Variants in ZSWIM8 observed in about 807,000 individuals in gnomAD.
ZSWIM8 encodes the protein zinc finger SWIM-type containing 8.
In ZSWIM8, 27 loss-of-function variants were observed where a neutral mutation model predicts 173.7. The ratio of observed to expected loss-of-function variants is 0.16; its 90% CI spans 0.11 to 0.21. The LOEUF (loss-of-function observed/expected upper bound fraction) is 0.21. ZSWIM8 is among the 10% of genes least tolerant of loss of function. The pLI is 1.00. For missense variants in ZSWIM8, 1,627 were observed against 2,428.8 expected (o/e 0.67, Z 6.94); for synonymous variants, 958 against 962.0 (o/e 1.00, Z 0.08).
rs757495616 is a variant in ZSWIM8, at chr10:73,789,234, T to A, written c.457+44T>A. ...CATGTGGCACATCCTGCTCCTCCCA[T>A]CCCCTGGCTTATGAAGTAAGAACAC... On this transcript the variant is annotated intron_variant, in intron 3 of 25. Transcript: ENST00000604729. This position sits in a 1 kb window ranked among gnomAD's most constrained non-coding sequence, Gnocchi z 6.8. 1 of 1,610,240 alleles carries A rather than the reference T, an allele frequency of 6.2e-7. No individual in the cohort carries two copies. Among genetic ancestry groups the A allele is most frequent in the Non-Finnish European group, 8.5e-7 (1 of 1,176,662 alleles).
At chr10:73,799,954 C>T (rs1426351435) in intron 21 of ZSWIM8, 57 bp from the exon 22 acceptor site, 45 of 1,564,716 alleles carry the variant, frequency 2.9e-5, no homozygotes, top group Admixed American at 1.9e-4. Context: ...GGGTGAAGCA[C>T]GACAGCAACA....
intron 10 of ZSWIM8, among the ~76,000 whole-genome samples, chr10:73,793,223 T>G (rs1443130316): frequency 1.3e-5 from 2 of 152,200 alleles, no homozygotes; most frequent in African/African-American, 2.4e-5. Context: ...TGCCATGCTC[T>G]CTCTCTTGCC....
In ZSWIM8 at chr10:73,791,255, G is replaced by A. The variant is rs1283040822; in HGVS notation, c.1144-69G>A. ...GCCTCATCCTCCTCTTGCTGAAATG[G>A]ACTCTGGGAGGGCTACTCTGCCTTT... On this transcript the variant is annotated intron_variant, in intron 8 of 25. Coordinates refer to ENST00000604729, the MANE Select transcript of ZSWIM8 (RefSeq NM_001367799.1). This position sits in a 1 kb window ranked among gnomAD's most constrained non-coding sequence, Gnocchi z 6.0. 1.3e-6 allele frequency: 2 copies of A among 1,571,844 alleles called. No homozygotes were observed. Among genetic ancestry groups the A allele is most frequent in the African/African-American group, 1.3e-5 (1 of 74,180 alleles).
intron 20 of ZSWIM8, 130 bp downstream of exon 20, chr10:73,798,583 G>A: frequency 3.6e-6 from 3 of 836,570 alleles, no homozygotes; most frequent in Non-Finnish European, 5.5e-6. Flanking sequence ...GTCCTCTCAT[G>A]GCAACATTTT....
In ZSWIM8 at chr10:73,789,583, C is replaced by A. The variant is rs770421233; in HGVS notation, c.630+44C>A. 1 of 1,585,910 alleles carries A rather than the reference C, an allele frequency of 6.3e-7. No individual in the cohort carries two copies. The highest frequency in any genetic ancestry group is 8.6e-7 in the Non-Finnish European group (1 of 1,164,438). Reference sequence around the variant, plus strand: ...ATCCCGGCCCTATCCTACACTCCATCCCCCCCTTCTCTGCTGCATGCCTGG... The same window carrying A: ...ATCCCGGCCCTATCCTACACTCCATACCCCCCTTCTCTGCTGCATGCCTGG... On this transcript the variant is annotated intron_variant, in intron 4 of 25. Coordinates refer to ENST00000604729, the MANE Select transcript of ZSWIM8 (RefSeq NM_001367799.1). The surrounding 1 kb of genome is among the most constrained non-coding windows in gnomAD (Gnocchi z 6.8).
intron 1 of ZSWIM8, 44 bp from the exon 2 acceptor site, chr10:73,788,626 A>T: frequency 1.0e-5 from 16 of 1,604,690 alleles, no homozygotes; most frequent in Non-Finnish European, 1.4e-5. Context: ...GGCCCTTTTC[A>T]TTTCCTATTC....
At chr10:73,799,551 T>A in intron 21 of ZSWIM8, 61 bp downstream of exon 21, 1 of 1,561,550 alleles carries the variant, frequency 6.4e-7, no homozygotes, top group South Asian at 1.2e-5. Flanking sequence ...TCATAGGGGG[T>A]TGGAGTGGGT....
rs757744420 is a variant in ZSWIM8, at chr10:73,796,823, C to T, written c.3083C>T (p.Thr1028Met). 2 of 1,614,032 alleles carry T rather than the reference C, an allele frequency of 1.2e-6. No individual in the cohort carries two copies. Among genetic ancestry groups the T allele is most frequent in the Non-Finnish European group, 1.7e-6 (2 of 1,179,904 alleles). Residue 1028 changes from threonine (T) to methionine (M), a missense_variant, in exon 16 of 26, where the codon ACG becomes ATG. Thr to Met is a moderately conservative substitution (Grantham distance 81). Transcript: ENST00000604729. ...DRESQTHKPQ[T>M]LSSFYSSSRP... ...GAGAGCCAGACACATAAGCCACAGACGCTGAGTTCTTTCTACTCATCTAGC... is the reference window on the plus strand; with the variant it reads ...GAGAGCCAGACACATAAGCCACAGATGCTGAGTTCTTTCTACTCATCTAGC...
intron 1 of ZSWIM8, 98 bp from the exon 2 acceptor site, chr10:73,788,572 A>G: frequency 1.4e-6 from 2 of 1,421,564 alleles, no homozygotes; most frequent in Admixed American, 2.3e-5. Flanking sequence ...CATAGTGAAG[A>G]TGAGGCCCAG....
In ZSWIM8 at chr10:73,792,971, G is replaced by A. The variant is rs538906081; in HGVS notation, c.2313+119G>A. 16 of 1,237,496 alleles carry A rather than the reference G, an allele frequency of 1.3e-5. No individual in the cohort carries two copies. Among genetic ancestry groups the A allele is most frequent in the East Asian group, 2.4e-5 (1 of 41,784 alleles). 76.7% of individuals were successfully genotyped at this position (1,237,496 alleles called of 1,614,324 possible). Reference sequence around the variant, plus strand: ...GGATTGTGAGAACCCTGTTGCAGGCGCCGAACTGGTCTCCCTGCTTTCAGT... The same window carrying A: ...GGATTGTGAGAACCCTGTTGCAGGCACCGAACTGGTCTCCCTGCTTTCAGT... On this transcript the variant is annotated intron_variant, in intron 10 of 25. Transcript: ENST00000604729. This position sits in a 1 kb window ranked among gnomAD's most constrained non-coding sequence, Gnocchi z 4.3.
In ZSWIM8 at chr10:73,789,173, A is replaced by C; in HGVS notation, c.440A>C (p.Lys147Thr). The C allele has an allele frequency of 6.2e-7, 1 of 1,614,032 alleles. No individual in the cohort carries two copies. The highest frequency in any genetic ancestry group is 8.5e-7 in the Non-Finnish European group (1 of 1,179,874). ...GDQLFRMRAV[K>T]DPLQIGFHLS... ...CAGCTCTTCCGCATGCGGGCTGTGAAGGACCCATTGCAGATAGGTGAGTGG... is the reference window on the plus strand; with the variant it reads ...CAGCTCTTCCGCATGCGGGCTGTGACGGACCCATTGCAGATAGGTGAGTGG... The change falls in exon 3 of 26, where the codon AAG becomes ACG. Residue 147 changes from lysine (K) to threonine (T), a missense_variant. By Grantham distance (78) the Lys-to-Thr change is moderately conservative. This residue lies in a region of ZSWIM8 where 29 missense variants were observed against 108.2 expected (regional missense o/e 0.27). Coordinates refer to ENST00000604729, the MANE Select transcript of ZSWIM8 (RefSeq NM_001367799.1). This position sits in a 1 kb window ranked among gnomAD's most constrained non-coding sequence, Gnocchi z 6.8.
intron 1 of ZSWIM8, chr10:73,786,355 C>G: frequency 5.4e-6 from 2 of 370,628 alleles, no homozygotes; most frequent in Non-Finnish European, 4.8e-6. Flanking sequence ...TGCGCGCGCG[C>G]GCGTGCGCGC....
In ZSWIM8 at chr10:73,789,247, GA is replaced by G. The variant is rs1288753454; in HGVS notation, c.457+59del. 6.2e-7 allele frequency: 1 copy of G among 1,610,820 alleles called. No homozygotes were observed. Among genetic ancestry groups the G allele is most frequent in the Non-Finnish European group, 8.5e-7 (1 of 1,177,424 alleles). Reference sequence around the variant, plus strand: ...CTGCTCCTCCCATCCCCTGGCTTATGAAGTAAGAACACACCGCAAGAAGCTG... The same window carrying G: ...CTGCTCCTCCCATCCCCTGGCTTATGAGTAAGAACACACCGCAAGAAGCTG... On this transcript the variant is annotated intron_variant, in intron 3 of 25. Transcript: ENST00000604729. The surrounding 1 kb of genome is among the most constrained non-coding windows in gnomAD (Gnocchi z 6.8).
At position 73,789,785 on chromosome 10, in the gene ZSWIM8, A is replaced by G. The variant is rs372768036; in HGVS notation, c.699A>G (p.Gln233=). Reference sequence around the variant, plus strand: ...CCCGGCTACAGAGGGACCAGCTGCAAAAGTTTGCTCAGTACCTCATCAGTG... The same window carrying G: ...CCCGGCTACAGAGGGACCAGCTGCAGAAGTTTGCTCAGTACCTCATCAGTG... ...SLSRLQRDQL[Q]KFAQYLISEL... is the part of the protein sequence containing the mutation. The change falls in exon 5 of 26, where the codon CAA becomes CAG. Residue 233 remains glutamine, a synonymous_variant. Coordinates refer to ENST00000604729, the MANE Select transcript of ZSWIM8 (RefSeq NM_001367799.1). This position sits in a 1 kb window ranked among gnomAD's most constrained non-coding sequence, Gnocchi z 6.8. 13 of 1,610,154 alleles carry G rather than the reference A, an allele frequency of 8.1e-6. No homozygotes were observed. In the African/African-American group the frequency reaches 1.7e-4, roughly 22 times the overall value.
chr10:73,788,606 A>G, intron 1 of ZSWIM8, 64 bp from the exon 2 acceptor site: 3 of 1,581,598 alleles, frequency 1.9e-6, no homozygotes, highest in East Asian at 4.5e-5. Flanking sequence ...CATGAGTGCC[A>G]AGAGACCATG....
intron 15 of ZSWIM8, chr10:73,796,565 G>T: frequency 1.6e-6 from 1 of 619,666 alleles, no homozygotes; most frequent in Non-Finnish European, 2.8e-6. Flanking sequence ...CTGCCCTGTG[G>T]TGTTAATGGA....
At position 73,797,823 on chromosome 10, in the gene ZSWIM8, C is replaced by T; in HGVS notation, c.3705C>T (p.Pro1235=). Residue 1235 remains proline (P), a synonymous_variant, in exon 19 of 26, where the codon CCC becomes CCT. Coordinates refer to ENST00000604729, the MANE Select transcript of ZSWIM8 (RefSeq NM_001367799.1). The surrounding 1 kb of genome is among the most constrained non-coding windows in gnomAD (Gnocchi z 5.6). The part of the protein sequence containing the change: ...RRPESHAPHV[P]NQPSEAAAHF... Reference sequence around the variant, plus strand: ...CCGAGAGTCATGCCCCTCATGTACCCAATCAGCCATCAGAGGCAGCTGCAC... The same window carrying T: ...CCGAGAGTCATGCCCCTCATGTACCTAATCAGCCATCAGAGGCAGCTGCAC... The T allele has an allele frequency of 6.2e-7, 1 of 1,613,830 alleles. No homozygotes were observed. The highest frequency in any genetic ancestry group is 8.5e-7 in the Non-Finnish European group (1 of 1,179,826).
rs760825098 is a variant in ZSWIM8 at position 73,801,379 on chromosome 10, C to T, written c.5365C>T (p.Arg1789Trp). The T allele has an allele frequency of 6.2e-6, 10 of 1,613,846 alleles. No individual in the cohort carries two copies. Among genetic ancestry groups the T allele is most frequent in the African/African-American group, 4.0e-5 (3 of 74,924 alleles). ...ADYDDFVNAIRSARSAFCLTP... is the reference protein window; with the variant it reads ...ADYDDFVNAIWSARSAFCLTP... ...CTACGACGACTTTGTGAATGCGATCCGGAGTGCCCGCAGCGCCTTCTGCCT... is the reference window on the plus strand; with the variant it reads ...CTACGACGACTTTGTGAATGCGATCTGGAGTGCCCGCAGCGCCTTCTGCCT... Residue 1789 changes from arginine to tryptophan, a missense_variant, in exon 26 of 26, where the codon CGG (arginine) becomes TGG (tryptophan). Transcript: ENST00000604729. This position sits in a 1 kb window ranked among gnomAD's most constrained non-coding sequence, Gnocchi z 4.9.
chr10:73,790,401 C>T (rs1358575205), intron 7 of ZSWIM8, 109 bp downstream of exon 7: 9 of 1,462,670 alleles, frequency 6.2e-6, no homozygotes, highest in Non-Finnish European at 8.3e-6. Context: ...CTTTTATTCC[C>T]TGAACTGGCA....
Sources: gnomAD v4.1 joint callset for allele counts (sites outside exome capture counted in the v4.1 genomes callset) on GRCh38, gnomAD v4.1.1 for gene constraint, gnomAD v4.1.1 regional missense constraint, Gnocchi (gnomAD v3.1) non-coding constraint, MANE v1.5 for transcripts, NCBI Gene and HGNC (gene_info 2026-07-23, HGNC 2026-07-21) for gene names.